Variants in RORA observed in about 807,000 individuals in gnomAD.
RORA encodes nuclear receptor ROR-alpha.
In RORA, 7 loss-of-function variants were observed where a neutral mutation model predicts 69.5. The observed-to-expected ratio is 0.10, with a 90% CI of 0.06 to 0.19. The LOEUF is 0.19. Among genes scored for constraint, RORA ranks in the 10% least tolerant of loss-of-function variants. The pLI is 1.00. For synonymous variants in RORA, 261 were observed against 240.8 expected (o/e 1.08, Z -0.78); for missense variants, 457 against 663.0 (o/e 0.69, Z 3.41).
chr15:60,558,802 G>A (rs1439650062), intron 2 of RORA, among the ~76,000 whole-genome samples: 2 of 152,204 alleles, frequency 1.3e-5, no homozygotes, highest in Non-Finnish European at 2.9e-5. Flanking sequence ...TAAAGGCAAG[G>A]TCTGAAGATC....
chr15:61,165,080 G>A (rs2079529391), intron 1 of RORA, among the ~76,000 whole-genome samples: 1 of 152,092 alleles, frequency 6.6e-6, no homozygotes, highest in South Asian at 2.1e-4. Flanking sequence ...GGTTCCCCTA[G>A]CAAACCCCAA....
intron 1 of RORA, among the ~76,000 whole-genome samples, chr15:60,830,918 T>A (rs1293596256): frequency 2.0e-5 from 3 of 152,226 alleles, no homozygotes; most frequent in Admixed American, 2.0e-4. Flanking sequence ...TAAAGTGTTG[T>A]TGCTAAAAAT....
chr15:60,906,220 C>G (rs1891536231), intron 1 of RORA, among the ~76,000 whole-genome samples: 2 of 152,170 alleles, frequency 1.3e-5, no homozygotes, highest in African/African-American at 4.8e-5. Context: ...AAAGTAAATA[C>G]TAATCAATAG....
At chr15:61,170,487 A>G (rs1239999541) in intron 1 of RORA, among the ~76,000 whole-genome samples, 1 of 152,190 alleles carries the variant, frequency 6.6e-6, no homozygotes, top group Non-Finnish European at 1.5e-5. Context: ...TCGCCTAGTT[A>G]ATCCAGGATC....
At chr15:60,837,981 A>G (rs1399564709) in intron 1 of RORA, among the ~76,000 whole-genome samples, 1 of 149,876 alleles carries the variant, frequency 6.7e-6, no homozygotes, top group East Asian at 1.9e-4. Context: ...AATACTTGAG[A>G]AGGGGCTTTT....
intron 1 of RORA, among the ~76,000 whole-genome samples, chr15:60,725,162 C>T (rs1210083984): frequency 6.6e-6 from 1 of 152,184 alleles, no homozygotes; most frequent in Non-Finnish European, 1.5e-5. Flanking sequence ...TTGGAATGGA[C>T]ACTTTTAATT....
intron 10 of RORA, 84 bp from the exon 11 acceptor site, chr15:60,497,703 A>G (rs1249986145): frequency 6.4e-6 from 7 of 1,099,098 alleles, no homozygotes; most frequent in African/African-American, 3.1e-5. Context: ...TCTTTATGAC[A>G]TTGTTTATAA....
At chr15:61,116,526 A>T (rs1482638538) in intron 1 of RORA, among the ~76,000 whole-genome samples, 1 of 152,188 alleles carries the variant, frequency 6.6e-6, no homozygotes, top group Admixed American at 6.5e-5. Context: ...GAGGTGACTG[A>T]TTCAACAAGG....
intron 1 of RORA, among the ~76,000 whole-genome samples, chr15:60,702,307 C>T (rs1472875998): frequency 1.3e-5 from 2 of 152,170 alleles, no homozygotes; most frequent in East Asian, 3.9e-4. Context: ...CTCTCTGCAA[C>T]CTCAACCTCT....
intron 1 of RORA, among the ~76,000 whole-genome samples, chr15:61,004,281 A>AG (rs35459951): frequency 0.11 from 17,154 of 151,980 alleles, 961 homozygotes; most frequent in Middle Eastern, 0.15. Flanking sequence ...AGGGAGAGAG[A>AG]AAGAGAGAGA....
intron 1 of RORA, chr15:60,847,778 T>C (rs1392955721): frequency 2.0e-5 from 3 of 152,224 alleles, no homozygotes; most frequent in African/African-American, 7.2e-5. Context: ...AAATGTTTTA[T>C]TAAGGTTAAT....
rs2140803189 is a variant in RORA, at chr15:61,117,231, C to G, written c.166+111822G>C. Among the ~76,000 whole-genome samples, 2 of 133,958 alleles carry G rather than the reference C, an allele frequency of 1.5e-5. 1 individual carries two copies. The highest frequency in any genetic ancestry group is 4.8e-4 in the South Asian group (2 of 4,158). The allele number at this position is 133,958 out of a possible 152,430, so 87.9% of individuals were successfully genotyped here. ...CCTCAGCCAACAAATCTGATTAAAA[C>G]AAAACTCTCCAGGATTGCAAGGCAC... On this transcript the variant is annotated intron_variant, in intron 1 of 10. Coordinates refer to ENST00000335670, the MANE Select transcript of RORA (RefSeq NM_134261.3).
chr15:60,865,800 A>T (rs2073480663), intron 1 of RORA, among the ~76,000 whole-genome samples: 1 of 151,984 alleles, frequency 6.6e-6, no homozygotes, highest in African/African-American at 2.4e-5. Context: ...CTACACTCAT[A>T]CCATTTATAT....
intron 2 of RORA, chr15:60,601,140 T>C (rs1229022780): frequency 6.6e-6 from 1 of 152,210 alleles, no homozygotes; most frequent in Non-Finnish European, 1.5e-5. Context: ...CAATTCAGCA[T>C]TACTTAGTAT....
At chr15:60,744,134 T>G (rs2071615499) in intron 1 of RORA, among the ~76,000 whole-genome samples, 2 of 151,894 alleles carry the variant, frequency 1.3e-5, no homozygotes, top group South Asian at 4.2e-4. Flanking sequence ...TGTCATATTA[T>G]GATAGGTGGA....
chr15:60,951,203 G>A (rs1030306430), intron 1 of RORA, among the ~76,000 whole-genome samples: 11 of 152,000 alleles, frequency 7.2e-5, no homozygotes, highest in African/African-American at 2.2e-4. Context: ...GATACATAAC[G>A]AAACGAAGGC....
At chr15:60,730,870 TGACA>T (rs929930772) in intron 1 of RORA, among the ~76,000 whole-genome samples, 28 of 151,668 alleles carry the variant, frequency 1.8e-4, no homozygotes, top group Non-Finnish European at 3.4e-4. Context: ...TTTTTTTTTT[TGACA>T]GACAGGACAG....
intron 1 of RORA, among the ~76,000 whole-genome samples, chr15:61,172,675 C>A (rs1327625183): frequency 2.6e-5 from 4 of 152,174 alleles, no homozygotes; most frequent in Non-Finnish European, 5.9e-5. Context: ...ATAACCAGTA[C>A]AATGGGAAAA....
chr15:61,057,132 G>C (rs2078107465), intron 1 of RORA, among the ~76,000 whole-genome samples: 1 of 152,242 alleles, frequency 6.6e-6, no homozygotes, highest in South Asian at 2.1e-4. Context: ...CAGGCTGCCA[G>C]GTCTCCTTAG....
Sources: allele counts gnomAD v4.1 joint callset (sites outside exome capture counted in the v4.1 genomes callset), GRCh38; gene constraint gnomAD v4.1.1; transcripts MANE v1.5; gene names NCBI Gene and HGNC (gene_info 2026-07-23, HGNC 2026-07-21).